The following SNAPC1 variants were observed in gnomAD, a reference collection of about 807,000 sequenced individuals.
SNAPC1 encodes small nuclear RNA activating complex polypeptide 1.
A neutral mutation model predicts 50.1 loss-of-function variants in SNAPC1; 42 were observed. The ratio of observed to expected loss-of-function variants is 0.84; its 90% CI spans 0.65 to 1.08. The LOEUF (loss-of-function observed/expected upper bound fraction) is 1.08, where lower values mean the gene tolerates loss of function less well. Among genes scored for constraint, SNAPC1 ranks in the 50% least tolerant of loss-of-function variants. The pLI is 0.00. For synonymous variants in SNAPC1, 164 were observed against 144.2 expected, an observed-to-expected ratio of 1.14 and a Z score of -0.98; for missense variants, 477 against 427.3, an observed-to-expected ratio of 1.12 and a Z score of -1.02.
chr14:61,772,149 C>T (rs139546675), intron 4 of SNAPC1, among the ~76,000 whole-genome samples: 196 of 152,080 alleles, frequency 1.3e-3, no homozygotes, highest in African/African-American at 4.0e-3. Flanking sequence ...GTGGCTGGAG[C>T]GCAGTAGGGT....
At chr14:61,783,828 G>T (rs376814087) in intron 8 of SNAPC1, among the ~76,000 whole-genome samples, 1 of 152,080 alleles carries the variant, frequency 6.6e-6, no homozygotes, top group Non-Finnish European at 1.5e-5. Flanking sequence ...GTGAGCCACC[G>T]CACCTGGCAA....
Position 61,768,642 on chromosome 14 carries a change from T to C in SNAPC1, c.436T>C (p.Tyr146His). 1.3e-6 allele frequency: 2 copies of C among 1,569,136 alleles called. No individual in the cohort carries two copies. Among genetic ancestry groups the C allele is most frequent in the Non-Finnish European group, 1.8e-6 (2 of 1,139,984 alleles). Residue 146 changes from tyrosine to histidine, a missense_variant, in exon 4 of 10, where the codon TAT (tyrosine) becomes CAT (histidine). Transcript: ENST00000216294. Reference protein sequence around the residue: ...HFTAMPKLLSYRMKKKIHRAE... With the variant: ...HFTAMPKLLSHRMKKKIHRAE... ...GACACGTATTATCACATAGCTGTCA[T>C]ATAGGATGAAGAAAAAAATTCACCG...
At chr14:61,772,571 G>A (rs2044999955) in intron 4 of SNAPC1, among the ~76,000 whole-genome samples, 2 of 152,062 alleles carry the variant, frequency 1.3e-5, no homozygotes, top group South Asian at 2.1e-4. Context: ...AACATTTCTT[G>A]TAGAGACAAG....
intron 7 of SNAPC1, among the ~76,000 whole-genome samples, chr14:61,781,683 C>G (rs1385372863): frequency 6.6e-6 from 1 of 152,188 alleles, no homozygotes; most frequent in Non-Finnish European, 1.5e-5. Context: ...ACAGCTCCAG[C>G]CTTGCATGTT....
intron 8 of SNAPC1, among the ~76,000 whole-genome samples, chr14:61,789,012 C>G (rs377250299): frequency 1.8e-3 from 279 of 152,280 alleles, no homozygotes; most frequent in African/African-American, 6.2e-3. Context: ...GCAGGCAGAT[C>G]ACAAGGTCAG....
chr14:61,794,687 C>T (rs964086183), intron 9 of SNAPC1, among the ~76,000 whole-genome samples: 1 of 152,106 alleles, frequency 6.6e-6, no homozygotes, highest in Admixed American at 6.5e-5. Context: ...GGATTATAGG[C>T]GTGAGCCACT....
intron 8 of SNAPC1, among the ~76,000 whole-genome samples, chr14:61,792,107 G>GAAAA (rs59143719): frequency 8.7e-6 from 1 of 114,360 alleles, no homozygotes; most frequent in African/African-American, 3.1e-5. Flanking sequence ...CATTAAAAAA[G>GAAAA]AAAAAAAAAA....
At chr14:61,772,534 C>T (rs960167019) in intron 4 of SNAPC1, among the ~76,000 whole-genome samples, 5 of 152,076 alleles carry the variant, frequency 3.3e-5, no homozygotes, top group Non-Finnish European at 7.4e-5. Flanking sequence ...TGAATCACTA[C>T]GCCTGGCCCA....
At chr14:61,769,493 G>A (rs192781391) in intron 4 of SNAPC1, among the ~76,000 whole-genome samples, 1 of 146,642 alleles carries the variant, frequency 6.8e-6, no homozygotes, top group African/African-American at 2.5e-5. Flanking sequence ...CGCCTCCCAG[G>A]TTCAAGCAAT....
chr14:61,770,502 C>T (rs2044980700), intron 4 of SNAPC1, among the ~76,000 whole-genome samples: 1 of 152,092 alleles, frequency 6.6e-6, no homozygotes, highest in Non-Finnish European at 1.5e-5. Context: ...CATTGGCCTC[C>T]TAAAGTGGTG....
rs1481770539 is a variant in SNAPC1, at chr14:61,795,907, TG to T, written c.*926del. 1 of 152,126 alleles carries T rather than the reference TG, an allele frequency of 6.6e-6. No individual in the cohort carries two copies. Among genetic ancestry groups the T allele is most frequent in the Non-Finnish European group, 1.5e-5 (1 of 68,160 alleles). 9.4% of individuals were successfully genotyped at this position (152,126 alleles called of 1,614,324 possible). A position where few individuals can be genotyped will look rare whatever the true frequency, so the allele number is the denominator to read the frequency against. On this transcript the variant is annotated 3_prime_UTR_variant, in exon 10 of 10. Transcript: ENST00000216294. Reference sequence around the variant, plus strand: ...TGGAGTATCGCTATGTTGCTCAGGCTGGTCTTGAACTCCTGGGCTCAAGCTA... The same window carrying T: ...TGGAGTATCGCTATGTTGCTCAGGCTGTCTTGAACTCCTGGGCTCAAGCTA...
chr14:61,776,644 T>A (rs1213835392), intron 5 of SNAPC1, among the ~76,000 whole-genome samples: 1 of 152,192 alleles, frequency 6.6e-6, no homozygotes, highest in Admixed American at 6.5e-5. Flanking sequence ...ATTACCAAAT[T>A]TAAGTATTTG....
Position 61,792,809 on chromosome 14 carries a change from A to C in SNAPC1, c.979A>C (p.Asn327His). ...GRKMSLRNKG[N>H]VQNIHKEDKP... ...AATCATTTTCTAAATATTTCTAGGCAATGTGCAGAATATACACAAGGAAGA... is the reference window on the plus strand; with the variant it reads ...AATCATTTTCTAAATATTTCTAGGCCATGTGCAGAATATACACAAGGAAGA... Residue 327 changes from asparagine (N) to histidine (H), a missense_variant and splice_region_variant, in exon 9 of 10, where the codon AAT becomes CAT. Physicochemically the swap from Asn to His is moderately conservative, Grantham distance 68. Transcript: ENST00000216294. 1 of 1,471,522 alleles carries C rather than the reference A, an allele frequency of 6.8e-7. No homozygotes were observed. The highest frequency in any genetic ancestry group is 9.3e-7 in the Non-Finnish European group (1 of 1,079,250). The allele number at this position is 1,471,522 out of a possible 1,614,324, so 91.2% of individuals were successfully genotyped here.
chr14:61,772,645 C>T (rs1314374168), intron 4 of SNAPC1, among the ~76,000 whole-genome samples: 5 of 152,248 alleles, frequency 3.3e-5, no homozygotes, highest in African/African-American at 1.2e-4. Context: ...CTACCTTGGC[C>T]TCCCACAGTG....
intron 4 of SNAPC1, among the ~76,000 whole-genome samples, chr14:61,770,464 G>C (rs867514784): frequency 6.6e-6 from 1 of 152,062 alleles, no homozygotes; most frequent in Middle Eastern, 3.4e-3. Context: ...GGTTGGTCTT[G>C]AACTCCTGGC....
chr14:61,762,723 G>A, intron 1 of SNAPC1, 135 bp downstream of exon 1: 1 of 962,870 alleles, frequency 1.0e-6, no homozygotes, highest in Non-Finnish European at 1.6e-6. Context: ...CATGACTCCT[G>A]GACCTTCCCC....
intron 3 of SNAPC1, among the ~76,000 whole-genome samples, chr14:61,767,666 G>A (rs181889740): frequency 9.2e-5 from 14 of 152,098 alleles, no homozygotes; most frequent in Admixed American, 1.3e-4. Context: ...GTTTCACCAT[G>A]TTGTCCAGGA....
chr14:61,778,246 A>G (rs754697946), intron 6 of SNAPC1, 106 bp downstream of exon 6: 27 of 619,022 alleles, frequency 4.4e-5, no homozygotes, highest in Non-Finnish European at 7.3e-5. Flanking sequence ...ATTCTGAATC[A>G]TGCTTCTGTG....
In SNAPC1 at chr14:61,762,539, G is replaced by T. The variant is rs746058398; in HGVS notation, c.79G>T (p.Glu27Ter). ...CCAGGAGACGGACAGTGTACGCTTC[G>T]AGGACTTCACGGAGCTCTGGAGAAA... is the stretch of plus-strand genomic sequence containing the variant. ...RFQETDSVRF[E>*]DFTELWRNMK... Residue 27 changes from glutamate to a stop codon, truncating the protein, a stop_gained, in exon 1 of 10, where the codon GAG becomes TAG. Coordinates refer to ENST00000216294, the MANE Select transcript of SNAPC1 (RefSeq NM_003082.4). LOFTEE classifies it high-confidence loss of function. 6.6e-7 allele frequency: 1 copy of T among 1,514,442 alleles called. No individual in the cohort carries two copies. Among genetic ancestry groups the T allele is most frequent in the Non-Finnish European group, 8.9e-7 (1 of 1,125,326 alleles). 93.8% of individuals were successfully genotyped at this position (1,514,442 alleles called of 1,614,324 possible). A position where few individuals can be genotyped will look rare whatever the true frequency, so the allele number is the denominator to read the frequency against.
Sources: allele counts gnomAD v4.1 joint callset (sites outside exome capture counted in the v4.1 genomes callset), GRCh38; gene constraint gnomAD v4.1.1; transcripts MANE v1.5; gene names NCBI Gene and HGNC (gene_info 2026-07-23, HGNC 2026-07-21).